The following KIF26B variants were observed in gnomAD, a reference collection of about 807,000 sequenced individuals.
The protein encoded by KIF26B is kinesin family member 26B, also known as kinesin-like protein KIF26B.
KIF26B carries 63 observed loss-of-function variants against 151.2 expected under a neutral mutation model. That is an observed-to-expected ratio of 0.42 (90% CI 0.34 to 0.51). The LOEUF is 0.51. KIF26B is among the 20% of genes least tolerant of loss of function. The probability of loss-of-function intolerance (pLI) is 0.07; values close to 1 mark genes in which losing one functional copy is unlikely to be tolerated. For synonymous variants in KIF26B, 1,357 were observed against 1,262.1 expected, an observed-to-expected ratio of 1.08 and a Z score of -1.59; for missense variants, 2,813 against 2,913.6, an observed-to-expected ratio of 0.97 and a Z score of 0.79.
At position 245,520,648 on chromosome 1, in the gene KIF26B, C is replaced by G. The variant is rs960010260; in HGVS notation, c.1167-20119C>G. On this transcript the variant is annotated intron_variant, in intron 4 of 14. Transcript: ENST00000407071. Reference sequence around the variant, plus strand: ...TCCATCCATCCATCCATCCATCCATCCATCCATCCATCCATTCTGTAAGTG... The same window carrying G: ...TCCATCCATCCATCCATCCATCCATGCATCCATCCATCCATTCTGTAAGTG... 1.9e-3 allele frequency among the ~76,000 whole-genome samples: 286 copies of G among 150,430 alleles called. 4 individuals carry two copies. The highest frequency in any genetic ancestry group is 1.0e-3 in the Non-Finnish European group (68 of 67,536).
intron 9 of KIF26B, among the ~76,000 whole-genome samples, chr1:245,626,463 G>A (rs1320510287): frequency 6.6e-6 from 1 of 150,386 alleles, no homozygotes; most frequent in Non-Finnish European, 1.5e-5. Context: ...ATATCTCATT[G>A]TGGTTTTGAT....
chr1:245,459,241 C>A (rs1188333100), intron 4 of KIF26B, among the ~76,000 whole-genome samples: 1 of 152,166 alleles, frequency 6.6e-6, no homozygotes, highest in Non-Finnish European at 1.5e-5. Context: ...ATTTTGTTTG[C>A]AAACAGCCCA....
At chr1:245,246,660 T>C (rs1670335406) in intron 2 of KIF26B, among the ~76,000 whole-genome samples, 1 of 152,140 alleles carries the variant, frequency 6.6e-6, no homozygotes, top group Admixed American at 6.5e-5. Context: ...ACTCCCATAG[T>C]CATTGAGGAA....
rs1553332271 is a variant in KIF26B, at chr1:245,184,050, G to GTTGTTTTTTTTTTTT, written c.465+27369_465+27370insGTTTTTTTTTTTTTT. Among the ~76,000 whole-genome samples the GTTGTTTTTTTTTTTT allele has an allele frequency of 2.9e-3, 57 of 19,810 alleles. 2 individuals are homozygous for GTTGTTTTTTTTTTTT. Among genetic ancestry groups the GTTGTTTTTTTTTTTT allele is most frequent in the South Asian group, 5.7e-3 (2 of 352 alleles). The allele number at this position is 19,810 out of a possible 152,430, so 13.0% of individuals were successfully genotyped here. On this transcript the variant is annotated intron_variant, in intron 2 of 14. Coordinates refer to ENST00000407071, the MANE Select transcript of KIF26B (RefSeq NM_018012.4). ...GCAACAGGTATGGGTGGGAGTTGTT[G>GTTGTTTTTTTTTTTT]TTTTTTTTTTTTTTTTTTTGAGCTT...
Position 245,611,992 on chromosome 1 carries a change from C to T in KIF26B, c.2098+16C>T. 6.2e-7 allele frequency: 1 copy of T among 1,608,964 alleles called. No individual in the cohort carries two copies. Among genetic ancestry groups the T allele is most frequent in the Non-Finnish European group, 8.5e-7 (1 of 1,176,304 alleles). On this transcript the variant is annotated intron_variant, in intron 9 of 14. Transcript: ENST00000407071. ...AAAGGGGGAAGTAAGTCGGCCACTC[C>T]ACCCTCCTGCCTCCTTAGCGGCTCT...
At chr1:245,267,647 CA>C (rs1224335805) in intron 2 of KIF26B, among the ~76,000 whole-genome samples, 3 of 91,430 alleles carry the variant, frequency 3.3e-5, no homozygotes, top group African/African-American at 1.4e-4. Flanking sequence ...CACACACACA[CA>C]CACACACACA....
intron 4 of KIF26B, among the ~76,000 whole-genome samples, chr1:245,458,707 C>A (rs1308953902): frequency 1.3e-5 from 2 of 152,198 alleles, no homozygotes; most frequent in Non-Finnish European, 2.9e-5. Flanking sequence ...AAGTACCAAA[C>A]TTTCCGGATT....
At chr1:245,165,947 T>C (rs2103519731) in intron 2 of KIF26B, among the ~76,000 whole-genome samples, 1 of 152,270 alleles carries the variant, frequency 6.6e-6, no homozygotes, top group East Asian at 1.9e-4. Flanking sequence ...AGCATTTGAG[T>C]TGCTGAGGAC....
rs1476199667 is a variant in KIF26B, at chr1:245,601,486, C to G, written c.1351-1091C>G. Among the ~76,000 whole-genome samples the G allele has an allele frequency of 6.6e-6, 1 of 152,192 alleles. No individual in the cohort carries two copies. The highest frequency in any genetic ancestry group is 1.5e-5 in the Non-Finnish European group (1 of 68,042). ...ATGACAGAGATTTCACCAAACCTGA[C>G]AACTGATGAGACAAAGAGAACAAGA... On this transcript the variant is annotated intron_variant, in intron 5 of 14. Transcript: ENST00000407071. The surrounding 1 kb of genome is among the most constrained non-coding windows in gnomAD (Gnocchi z 4.4).
intron 4 of KIF26B, among the ~76,000 whole-genome samples, chr1:245,526,099 T>C (rs1380596311): frequency 3.9e-5 from 6 of 152,234 alleles, no homozygotes; most frequent in Non-Finnish European, 5.9e-5. Flanking sequence ...TACAATTAAC[T>C]AGAAAATTTG....
Position 245,688,337 on chromosome 1 carries a change from A to G in KIF26B, c.5354A>G (p.Gln1785Arg). 1 of 1,589,198 alleles carries G rather than the reference A, an allele frequency of 6.3e-7. No homozygotes were observed. The highest frequency in any genetic ancestry group is 8.5e-7 in the Non-Finnish European group (1 of 1,175,744). Residue 1785 changes from glutamine to arginine, a missense_variant, in exon 12 of 15, where the codon CAG becomes CGG. Transcript: ENST00000407071. The stretch of plus-strand genomic sequence containing the variant: ...GGGAAGCACACGCCCTGGTCCACGC[A>G]GTCCCTCAGCAGGAACAGGAGCTCG... The part of the protein sequence containing the change: ...PGGKHTPWST[Q>R]SLSRNRSSGL...
intron 2 of KIF26B, among the ~76,000 whole-genome samples, chr1:245,225,691 G>A (rs1669860041): frequency 6.6e-6 from 1 of 152,154 alleles, no homozygotes; most frequent in Non-Finnish European, 1.5e-5. Context: ...TATAATCAGA[G>A]GCATTCCCCT....
rs776614453 is a variant in KIF26B, at chr1:245,699,016, C to A, written c.6157C>A (p.Pro2053Thr). ...EATKQYLMLD[P>T]NKWLSEFDLE... ...GACCAAACAGTATCTGATGCTGGAT[C>A]CCAACAAGTGGCTCAGTGAATGTAA... Residue 2053 changes from proline (P) to threonine (T), a missense_variant, in exon 14 of 15, where the codon CCC becomes ACC. Coordinates refer to ENST00000407071, the MANE Select transcript of KIF26B (RefSeq NM_018012.4). The A allele has an allele frequency of 1.2e-6, 2 of 1,613,852 alleles. No homozygotes were observed. Among genetic ancestry groups the A allele is most frequent in the Non-Finnish European group, 1.7e-6 (2 of 1,179,782 alleles).
At chr1:245,545,784 G>A (rs1343171952) in intron 5 of KIF26B, among the ~76,000 whole-genome samples, 1 of 117,334 alleles carries the variant, frequency 8.5e-6, no homozygotes, top group African/African-American at 3.0e-5. Context: ...GTTTGAAAAC[G>A]GTTGCTTCTC....
intron 4 of KIF26B, among the ~76,000 whole-genome samples, chr1:245,514,725 T>A (rs1419488756): frequency 6.6e-6 from 1 of 152,014 alleles, no homozygotes; most frequent in Non-Finnish European, 1.5e-5. Context: ...AGTGGAAGAG[T>A]GGCGATTAGG....
chr1:245,382,891 G>A (rs1170612263), intron 3 of KIF26B, among the ~76,000 whole-genome samples: 1 of 150,238 alleles, frequency 6.7e-6, no homozygotes, highest in Non-Finnish European at 1.5e-5. Context: ...AATTATATAT[G>A]TATATTCTAT....
At chr1:245,391,763 T>C (rs1303565487) in intron 3 of KIF26B, among the ~76,000 whole-genome samples, 1 of 152,148 alleles carries the variant, frequency 6.6e-6, no homozygotes, top group Non-Finnish European at 1.5e-5. Flanking sequence ...ACAATATTTA[T>C]GCCAACATGT....
chr1:245,469,732 GA>G (rs1659870191), intron 4 of KIF26B, among the ~76,000 whole-genome samples: 2 of 152,100 alleles, frequency 1.3e-5, no homozygotes, highest in African/African-American at 2.4e-5. Context: ...ATCCTTGATT[GA>G]ATGTAATTGT....
chr1:245,547,138 G>A (rs1159918049), intron 5 of KIF26B, among the ~76,000 whole-genome samples: 2 of 152,238 alleles, frequency 1.3e-5, no homozygotes, highest in African/African-American at 2.4e-5. Context: ...TATTTCTGGG[G>A]CAAACCTGAA....
Sources: gnomAD v4.1 joint callset for allele counts (sites outside exome capture counted in the v4.1 genomes callset) on GRCh38, gnomAD v4.1.1 for gene constraint, Gnocchi (gnomAD v3.1) non-coding constraint, MANE v1.5 for transcripts, NCBI Gene and HGNC (gene_info 2026-07-23, HGNC 2026-07-21) for gene names.